Variants in CAMSAP2 observed in about 807,000 individuals in gnomAD.
CAMSAP2 encodes the protein calmodulin-regulated spectrin-associated protein 2.
In CAMSAP2, 26 loss-of-function variants were observed where a neutral mutation model predicts 146.1. The observed-to-expected ratio is 0.18, with a 90% CI of 0.13 to 0.25. The LOEUF is 0.25. CAMSAP2 is among the 10% of genes least tolerant of loss of function. CAMSAP2 has a pLI of 1.00. For synonymous variants in CAMSAP2, 499 were observed against 596.6 expected, an observed-to-expected ratio of 0.84 and a Z score of 2.38; for missense variants, 1,381 against 1,759.3, an observed-to-expected ratio of 0.78 and a Z score of 3.85.
In CAMSAP2 at chr1:200,804,677, C is replaced by T. The variant is rs148918796; in HGVS notation, c.400-2699C>T. Among the ~76,000 whole-genome samples the T allele has an allele frequency of 3.4e-3, 519 of 152,114 alleles. 5 individuals carry two copies. Among genetic ancestry groups the T allele is most frequent in the African/African-American group, 0.012 (502 of 41,480 alleles). On this transcript the variant is annotated intron_variant, in intron 2 of 16. Coordinates refer to ENST00000358823, the MANE Select transcript of CAMSAP2 (RefSeq NM_203459.4). ...CCTGCTCTCCAGGGATGGAGTATAA[C>T]GGAGAGGATACATACAGATGAATGA...
At position 200,832,160 on chromosome 1, in the gene CAMSAP2, TG is replaced by T; in HGVS notation, c.646-38del. ...ACTGATTTTTTTCCTATGCGTTATTTGGTACTTATTTATTTTCATGTATTTT... is the reference window on the plus strand; with the variant it reads ...ACTGATTTTTTTCCTATGCGTTATTTGTACTTATTTATTTTCATGTATTTT... On this transcript the variant is annotated intron_variant, in intron 4 of 16. Transcript: ENST00000358823. The surrounding 1 kb of genome is among the most constrained non-coding windows in gnomAD (Gnocchi z 4.2). 1 of 1,542,212 alleles carries T rather than the reference TG, an allele frequency of 6.5e-7. No individual in the cohort carries two copies. The highest frequency in any genetic ancestry group is 8.8e-7 in the Non-Finnish European group (1 of 1,140,540).
intron 14 of CAMSAP2, among the ~76,000 whole-genome samples, chr1:200,855,704 C>G (rs1433537369): frequency 1.3e-5 from 2 of 151,872 alleles, no homozygotes; most frequent in African/African-American, 2.4e-5. Context: ...TCAAGTGATT[C>G]TTCTGCCTCA....
chr1:200,797,990 G>A (rs1225142762), intron 2 of CAMSAP2, among the ~76,000 whole-genome samples: 1 of 151,998 alleles, frequency 6.6e-6, no homozygotes, highest in Admixed American at 6.6e-5. Context: ...GTAGGTATGC[G>A]GCGTTATTTC....
At chr1:200,842,809 C>G (rs1667357941) in intron 7 of CAMSAP2, among the ~76,000 whole-genome samples, 1 of 151,926 alleles carries the variant, frequency 6.6e-6, no homozygotes, top group Non-Finnish European at 1.5e-5. Context: ...AACCCTGTCT[C>G]TACTAAAAAT....
intron 1 of CAMSAP2, among the ~76,000 whole-genome samples, chr1:200,758,054 G>A (rs1664696740): frequency 6.6e-6 from 1 of 152,158 alleles, no homozygotes; most frequent in Admixed American, 6.6e-5. Context: ...GTCCTTTCTT[G>A]AGTTCTTTAT....
chr1:200,786,541 G>T (rs1665597355), intron 2 of CAMSAP2, among the ~76,000 whole-genome samples: 1 of 151,922 alleles, frequency 6.6e-6, no homozygotes, highest in Non-Finnish European at 1.5e-5. Context: ...CCACCACCAT[G>T]CCCAGCTAAT....
At chr1:200,828,426 T>TTTA (rs1393192793) in intron 4 of CAMSAP2, 2 of 705,502 alleles carry the variant, frequency 2.8e-6, no homozygotes, top group East Asian at 5.8e-5. Context: ...AACTAAAATA[T>TTTA]TTATTAACAT....
intron 2 of CAMSAP2, among the ~76,000 whole-genome samples, chr1:200,796,606 CT>C (rs761953959): frequency 6.6e-6 from 1 of 150,668 alleles, no homozygotes; most frequent in Non-Finnish European, 1.5e-5. Flanking sequence ...TATGGGATGT[CT>C]TTCTGTTTAT....
chr1:200,798,894 T>C (rs1665959835), intron 2 of CAMSAP2, among the ~76,000 whole-genome samples: 1 of 151,394 alleles, frequency 6.6e-6, no homozygotes, highest in Non-Finnish European at 1.5e-5. Context: ...TTGAATTTTG[T>C]CAAAGGCCTT....
In CAMSAP2 at chr1:200,788,005, CT is replaced by C. The variant is rs1176575751; in HGVS notation, c.400-19367del. On this transcript the variant is annotated intron_variant, in intron 2 of 16. Transcript: ENST00000358823. ...TCAATAGATTACAGTATAAGCATAACTTTTATATGCCTGGGGATATTAAAAA... is the reference window on the plus strand; with the variant it reads ...TCAATAGATTACAGTATAAGCATAACTTTATATGCCTGGGGATATTAAAAA... 3.3e-5 allele frequency among the ~76,000 whole-genome samples: 5 copies of C among 152,104 alleles called. 1 individual carries two copies. The highest frequency in any genetic ancestry group is 7.3e-5 in the Non-Finnish European group (5 of 68,032).
chr1:200,771,352 G>A (rs1665111515), intron 2 of CAMSAP2, among the ~76,000 whole-genome samples: 1 of 151,874 alleles, frequency 6.6e-6, no homozygotes, highest in South Asian at 2.1e-4. Flanking sequence ...AGAACTTGAA[G>A]TAACAAGTTT....
chr1:200,833,181 GTT>G (rs1005143837), intron 6 of CAMSAP2, among the ~76,000 whole-genome samples: 1 of 152,168 alleles, frequency 6.6e-6, no homozygotes, highest in African/African-American at 2.4e-5. Context: ...TTTGAAGAAA[GTT>G]TTTAATTTTT....
At chr1:200,781,928 T>C (rs1182246863) in intron 2 of CAMSAP2, among the ~76,000 whole-genome samples, 1 of 152,202 alleles carries the variant, frequency 6.6e-6, no homozygotes, top group South Asian at 2.1e-4. Context: ...AACTCCATTA[T>C]TAGTGAACCA....
intron 1 of CAMSAP2, among the ~76,000 whole-genome samples, chr1:200,745,415 CA>C (rs1664295092): frequency 6.6e-6 from 1 of 151,250 alleles, no homozygotes; most frequent in African/African-American, 2.4e-5. Context: ...TGTTGAAGTA[CA>C]AATTAATTAT....
chr1:200,745,326 A>G (rs528256133), intron 1 of CAMSAP2, among the ~76,000 whole-genome samples: 1 of 152,284 alleles, frequency 6.6e-6, no homozygotes, highest in South Asian at 2.1e-4. Flanking sequence ...TGGGGAACAA[A>G]AGGAGCCCAG....
At chr1:200,815,765 C>T (rs184036699) in intron 4 of CAMSAP2, 121 bp downstream of exon 4, 42 of 441,944 alleles carry the variant, frequency 9.5e-5, no homozygotes, top group Non-Finnish European at 1.3e-4. Flanking sequence ...GTTAACTGTA[C>T]CCTAGAAAGC....
chr1:200,815,756 T>A (rs1666465669), intron 4 of CAMSAP2, 112 bp downstream of exon 4: 1 of 482,814 alleles, frequency 2.1e-6, no homozygotes, highest in Non-Finnish European at 3.5e-6. Flanking sequence ...TTTAGTGGTG[T>A]TAACTGTACC....
chr1:200,758,047 C>T (rs1664696597), intron 1 of CAMSAP2, among the ~76,000 whole-genome samples: 1 of 152,152 alleles, frequency 6.6e-6, no homozygotes, highest in African/African-American at 2.4e-5. Flanking sequence ...GCAAGATGTC[C>T]TTTCTTGAGT....
Position 200,847,622 on chromosome 1 carries a change from T to C in CAMSAP2, c.1193-18T>C. ...TTTTTACATGATTTCAATGGCTTTT[T>C]CTTTTTTGCATTTGAAGGAGGAATT... is the stretch of plus-strand genomic sequence containing the variant. On this transcript the variant is annotated intron_variant, in intron 9 of 16. Transcript: ENST00000358823. 1 of 1,600,760 alleles carries C rather than the reference T, an allele frequency of 6.2e-7. No individual in the cohort carries two copies. The highest frequency in any genetic ancestry group is 8.5e-7 in the Non-Finnish European group (1 of 1,172,130).
Sources: allele counts gnomAD v4.1 joint callset (sites outside exome capture counted in the v4.1 genomes callset), GRCh38; gene constraint gnomAD v4.1.1; non-coding constraint Gnocchi (gnomAD v3.1); transcripts MANE v1.5; gene names NCBI Gene and HGNC (gene_info 2026-07-23, HGNC 2026-07-21).